PCSK5: variants seen among roughly 807,000 people sequenced by gnomAD.
PCSK5 encodes the protein prohormone convertase 5.
In PCSK5, 129 loss-of-function variants were observed where a neutral mutation model predicts 233.2. That is an observed-to-expected ratio of 0.55 (90% CI 0.48 to 0.64). PCSK5 has a LOEUF of 0.64. Ranked by LOEUF, PCSK5 falls within the 30% of genes least tolerant of loss-of-function variation. PCSK5 has a pLI of 0.00. For synonymous variants in PCSK5, 825 were observed against 879.2 expected (o/e 0.94, Z 1.09); for missense variants, 2,076 against 2,430.1 (o/e 0.85, Z 3.06).
intron 37 of PCSK5, among the ~76,000 whole-genome samples, chr9:76,358,169 G>A (rs7850726): frequency 0.034 from 5,245 of 152,088 alleles, 92 homozygotes; most frequent in Non-Finnish European, 0.041. Context: ...GGATTCTCAC[G>A]GGGTACATAC....
intron 9 of PCSK5, among the ~76,000 whole-genome samples, chr9:76,110,979 C>T (rs141381155): frequency 3.0e-3 from 458 of 152,110 alleles, no homozygotes; most frequent in Non-Finnish European, 5.5e-3. Flanking sequence ...TGGTAGCATG[C>T]GCCCATAGTC....
intron 2 of PCSK5, among the ~76,000 whole-genome samples, chr9:75,978,874 T>G (rs573942856): frequency 1.4e-4 from 21 of 147,942 alleles, no homozygotes; most frequent in Admixed American, 2.7e-4. Flanking sequence ...TTTCCCTTTT[T>G]TTTTTCTTTT....
At chr9:76,354,311 G>C in intron 37 of PCSK5, 92 bp downstream of exon 37, 1 of 964,584 alleles carries the variant, frequency 1.0e-6, no homozygotes, top group Non-Finnish European at 1.5e-6. Flanking sequence ...AAGTTCAGGA[G>C]AATCAATATG....
rs1587408496 is a variant in PCSK5, at chr9:75,950,699, T to C, written c.297+18216T>C. Among the ~76,000 whole-genome samples the C allele has an allele frequency of 2.0e-5, 3 of 152,048 alleles. No individual in the cohort carries two copies. In the East Asian group the frequency reaches 5.8e-4, roughly 29 times the overall value. ...GAGCTCCTGAAGGAAGCACTAAACA[T>C]GGAAAGGAACAACAGGTACCAGCCA... On this transcript the variant is annotated intron_variant, in intron 2 of 37. Coordinates refer to ENST00000674117, the MANE Select transcript of PCSK5 (RefSeq NM_001372043.1).
rs58485029 is a variant in PCSK5, at chr9:76,316,740, CAAAAAAAAAA to C, written c.3885-4663_3885-4654del. On this transcript the variant is annotated intron_variant, in intron 30 of 37. Coordinates refer to ENST00000674117, the MANE Select transcript of PCSK5 (RefSeq NM_001372043.1). ...GCAACAGAGCCAGACCTTGTCTCAC[CAAAAAAAAAA>C]AAAAAAAAAAAAAAAAAAGAATGTG... 1.3e-3 allele frequency among the ~76,000 whole-genome samples: 86 copies of C among 64,626 alleles called. 1 individual carries two copies. The highest frequency in any genetic ancestry group is 5.3e-3 in the South Asian group (10 of 1,894). The allele number at this position is 64,626 out of a possible 152,430, so 42.4% of individuals were successfully genotyped here.
At chr9:76,017,288 A>G (rs1297600162) in intron 3 of PCSK5, among the ~76,000 whole-genome samples, 1 of 152,148 alleles carries the variant, frequency 6.6e-6, no homozygotes, top group Non-Finnish European at 1.5e-5. Flanking sequence ...CAACTTTGCC[A>G]ATCTATCTCT....
chr9:76,206,111 A>AC (rs1825107158), intron 20 of PCSK5, among the ~76,000 whole-genome samples: 1 of 152,046 alleles, frequency 6.6e-6, no homozygotes, highest in Non-Finnish European at 1.5e-5. Context: ...CCTATCTGCC[A>AC]CCCCCACCTC....
At chr9:76,042,045 T>TTA (rs1401795898) in intron 5 of PCSK5, among the ~76,000 whole-genome samples, 2 of 152,198 alleles carry the variant, frequency 1.3e-5, no homozygotes, top group South Asian at 4.1e-4. Context: ...TTGGAGATCC[T>TTA]TATATATAGG....
In PCSK5 at chr9:76,332,475, A is replaced by C. The variant is rs765944059; in HGVS notation, c.4613A>C (p.Asp1538Ala). Residue 1538 changes from aspartate to alanine, a missense_variant, in exon 34 of 38, where the codon GAT becomes GCT. By Grantham distance (126) the Asp-to-Ala change is moderately radical. Coordinates refer to ENST00000674117, the MANE Select transcript of PCSK5 (RefSeq NM_001372043.1). ...GACTGCCCAGAGGGCTATTATGCCG[A>C]TGAGGACAGCAACCGGTGTGCCCAC... ...VKDCPEGYYA[D>A]EDSNRCAHCH... The C allele has an allele frequency of 1.9e-6, 3 of 1,612,732 alleles. No individual in the cohort carries two copies. Among genetic ancestry groups the C allele is most frequent in the Non-Finnish European group, 2.5e-6 (3 of 1,179,748 alleles).
In PCSK5 at chr9:75,908,869, T is replaced by TCTA. The variant is rs1564074510; in HGVS notation, c.192+17496_192+17497insCTA. Reference sequence around the variant, plus strand: ...ATCCGCCATCCATGCATCCTTCTCTTTCTATTTATCTATCTATCTATCTAT... The same window carrying TCTA: ...ATCCGCCATCCATGCATCCTTCTCTTCTATCTATTTATCTATCTATCTATCTAT... On this transcript the variant is annotated intron_variant, in intron 1 of 37. Coordinates refer to ENST00000674117, the MANE Select transcript of PCSK5 (RefSeq NM_001372043.1). Among the ~76,000 whole-genome samples, 486 of 119,934 alleles carry TCTA rather than the reference T, an allele frequency of 4.1e-3. 1 individual carries two copies. Among genetic ancestry groups the TCTA allele is most frequent in the African/African-American group, 7.5e-3 (247 of 32,882 alleles). 78.7% of individuals were successfully genotyped at this position (119,934 alleles called of 152,430 possible).
chr9:75,895,067 C>G (rs577991891), intron 1 of PCSK5, among the ~76,000 whole-genome samples: 1 of 152,168 alleles, frequency 6.6e-6, no homozygotes, highest in Non-Finnish European at 1.5e-5. Context: ...AGCAAAGCCC[C>G]TTCCCCAAAC....
At chr9:76,164,999 C>T (rs1459198123) in intron 12 of PCSK5, among the ~76,000 whole-genome samples, 1 of 151,598 alleles carries the variant, frequency 6.6e-6, no homozygotes, top group Non-Finnish European at 1.5e-5. Flanking sequence ...GTTCCTTTCT[C>T]CTTCTCAATC....
intron 24 of PCSK5, among the ~76,000 whole-genome samples, chr9:76,242,282 T>C (rs578186754): frequency 6.6e-6 from 1 of 152,228 alleles, no homozygotes; most frequent in South Asian, 2.1e-4. Context: ...AAATATTATA[T>C]ATGAATTATA....
chr9:76,006,689 C>G (rs911006392), intron 3 of PCSK5, among the ~76,000 whole-genome samples: 6 of 152,172 alleles, frequency 3.9e-5, no homozygotes, highest in Non-Finnish European at 8.8e-5. Context: ...AAATATGTTT[C>G]ATCCACCATC....
intron 24 of PCSK5, among the ~76,000 whole-genome samples, chr9:76,253,975 C>T (rs973396032): frequency 1.3e-5 from 2 of 152,156 alleles, no homozygotes; most frequent in South Asian, 2.1e-4. Flanking sequence ...TTATTTCTCT[C>T]TCATGCTACA....
chr9:76,311,775 T>C (rs757037535), intron 30 of PCSK5, among the ~76,000 whole-genome samples: 5 of 152,184 alleles, frequency 3.3e-5, no homozygotes, highest in South Asian at 2.1e-4. Context: ...TCACAAAGTC[T>C]GGTTTTTCTG....
chr9:76,025,088 C>T (rs765215056), intron 4 of PCSK5, among the ~76,000 whole-genome samples: 2 of 152,144 alleles, frequency 1.3e-5, no homozygotes, highest in Non-Finnish European at 2.9e-5. Context: ...GAAGCAGGAA[C>T]TTAAACCACC....
chr9:75,890,321 G>T (rs1272257460), upstream of PCSK5, among the ~76,000 whole-genome samples: 1 of 152,206 alleles, frequency 6.6e-6, no homozygotes, highest in Non-Finnish European at 1.5e-5. Context: ...AGGACGTTTA[G>T]AACGAGGATG....
At chr9:76,353,958 A>T (rs1830231708) in intron 36 of PCSK5, 75 bp from the exon 37 acceptor site, 1 of 1,015,670 alleles carries the variant, frequency 9.8e-7, no homozygotes, top group Non-Finnish European at 1.5e-6. Flanking sequence ...AGACAAGATG[A>T]GATACAATCT....
Sources: gnomAD v4.1 joint callset for allele counts (sites outside exome capture counted in the v4.1 genomes callset) on GRCh38, gnomAD v4.1.1 for gene constraint, MANE v1.5 for transcripts, NCBI Gene and HGNC (gene_info 2026-07-23, HGNC 2026-07-21) for gene names.